SERPINE2: variants seen among roughly 807,000 people sequenced by gnomAD.
SERPINE2 encodes the protein glia-derived nexin.
SERPINE2 carries 14 observed loss-of-function variants against 36.3 expected under a neutral mutation model. That is an observed-to-expected ratio of 0.39 (90% confidence interval 0.25 to 0.60). The LOEUF (loss-of-function observed/expected upper bound fraction) is 0.60, where lower values mean the gene tolerates loss of function less well. SERPINE2 is among the 20% of genes least tolerant of loss of function. The probability of loss-of-function intolerance (pLI) is 0.57; values close to 1 mark genes in which losing one functional copy is unlikely to be tolerated. For missense variants in SERPINE2, 418 were observed against 499.6 expected, an observed-to-expected ratio of 0.84 and a Z score of 1.56; for synonymous variants, 192 against 191.8, an observed-to-expected ratio of 1.00 and a Z score of -0.01.
chr2:224,019,080 C>T (rs1024830789), intron 1 of SERPINE2, among the ~76,000 whole-genome samples: 2 of 152,086 alleles, frequency 1.3e-5, no homozygotes, highest in Non-Finnish European at 2.9e-5. Context: ...AGACAGGAGG[C>T]CCCCTCAACT....
intron 4 of SERPINE2, among the ~76,000 whole-genome samples, chr2:223,990,904 A>G (rs1345109083): frequency 6.6e-6 from 1 of 152,190 alleles, no homozygotes; most frequent in East Asian, 1.9e-4. Context: ...CTTGAGTCCA[A>G]GAGGTCGAGG....
intron 1 of SERPINE2, among the ~76,000 whole-genome samples, chr2:224,004,662 C>G (rs574103552): frequency 3.8e-4 from 58 of 151,920 alleles, no homozygotes; most frequent in African/African-American, 1.3e-3. Flanking sequence ...CTCCCTCTTG[C>G]CTTTTCTTTC....
chr2:224,037,629 T>C (rs1005678948), intron 1 of SERPINE2, among the ~76,000 whole-genome samples: 4 of 152,212 alleles, frequency 2.6e-5, no homozygotes, highest in South Asian at 2.1e-4. Context: ...AAGGCTGAGA[T>C]GCACCCAGGG....
chr2:224,031,263 C>A (rs1316561095), intron 1 of SERPINE2: 3 of 985,202 alleles, frequency 3.0e-6, no homozygotes, highest in Admixed American at 6.2e-5. Context: ...CTGTGTGACC[C>A]CCCACATACT....
Position 223,992,010 on chromosome 2 carries a change from CA to C in SERPINE2, c.488-11del. 1 of 1,612,866 alleles carries C rather than the reference CA, an allele frequency of 6.2e-7. No individual in the cohort carries two copies. The highest frequency in any genetic ancestry group is 1.7e-5 in the Admixed American group (1 of 59,838). ...AGATTGTCAATCATATCTGTGAAGCCAAAGAACAAACAAGGGAAAAATAACC... is the reference window on the plus strand; with the variant it reads ...AGATTGTCAATCATATCTGTGAAGCCAAGAACAAACAAGGGAAAAATAACC... On this transcript the variant is annotated splice_polypyrimidine_tract_variant and intron_variant, in intron 3 of 8. Transcript: ENST00000409304.
At chr2:224,032,811 G>A (rs1181795563) in intron 1 of SERPINE2, among the ~76,000 whole-genome samples, 8 of 152,184 alleles carry the variant, frequency 5.3e-5, no homozygotes, top group Admixed American at 1.3e-4. Flanking sequence ...CAAAACATAC[G>A]AGTGGAATTA....
At chr2:223,989,510 A>C (rs1237086649) in intron 4 of SERPINE2, among the ~76,000 whole-genome samples, 1 of 152,192 alleles carries the variant, frequency 6.6e-6, no homozygotes, top group Non-Finnish European at 1.5e-5. Flanking sequence ...GGAAACAATC[A>C]GCCACTTGGG....
At chr2:223,993,528 A>ATG (rs1344521820) in intron 3 of SERPINE2, among the ~76,000 whole-genome samples, 1 of 72,452 alleles carries the variant, frequency 1.4e-5, no homozygotes, top group African/African-American at 4.6e-5. Context: ...TAGCTCAAAT[A>ATG]TATGTGTGTG....
At chr2:223,984,419 G>A (rs1468196519) in intron 5 of SERPINE2, among the ~76,000 whole-genome samples, 1 of 152,162 alleles carries the variant, frequency 6.6e-6, no homozygotes, top group East Asian at 1.9e-4. Flanking sequence ...TCCATACTAT[G>A]ATGACACACG....
chr2:224,015,967 G>T (rs887941531), intron 1 of SERPINE2, among the ~76,000 whole-genome samples: 1 of 152,156 alleles, frequency 6.6e-6, no homozygotes. Flanking sequence ...GGAAATAAAA[G>T]ACATGGATAG....
chr2:223,991,760 C>A lies in SERPINE2; in HGVS notation c.685+43G>T, dbSNP rs758272519. 5 of 1,600,916 alleles carry A rather than the reference C, an allele frequency of 3.1e-6. No individual in the cohort carries two copies. In the South Asian group the frequency reaches 5.5e-5, roughly 18 times the overall value. On this transcript the variant is annotated intron_variant, in intron 4 of 8. Transcript: ENST00000409304. ...TTAAAGCACTCAAGGGCCTTTCTGC[C>A]GCCAGCACATCCTAGAACAGGCTTC...
chr2:223,995,406 T>A (rs1292031913), intron 3 of SERPINE2, among the ~76,000 whole-genome samples: 1 of 152,196 alleles, frequency 6.6e-6, no homozygotes, highest in Non-Finnish European at 1.5e-5. Flanking sequence ...TTGGCAGGGA[T>A]GTTTTTAATT....
At chr2:223,977,666 T>C in intron 7 of SERPINE2, 39 bp from the exon 8 acceptor site, 1 of 1,399,280 alleles carries the variant, frequency 7.1e-7, no homozygotes, top group South Asian at 1.2e-5. Flanking sequence ...GCACATTACA[T>C]GAGACCATGT....
At chr2:224,037,300 A>G (rs1257498257) in intron 1 of SERPINE2, among the ~76,000 whole-genome samples, 2 of 152,288 alleles carry the variant, frequency 1.3e-5, no homozygotes, top group African/African-American at 4.8e-5. Context: ...CACCTGCCAA[A>G]CCCGCAAGAG....
chr2:224,019,301 T>C (rs1013698206), intron 1 of SERPINE2, among the ~76,000 whole-genome samples: 2 of 152,186 alleles, frequency 1.3e-5, no homozygotes, highest in Non-Finnish European at 2.9e-5. Flanking sequence ...TATACTGTAA[T>C]AAAAGTTATT....
At chr2:224,004,387 C>G (rs1313637894) in intron 1 of SERPINE2, among the ~76,000 whole-genome samples, 1 of 152,216 alleles carries the variant, frequency 6.6e-6, no homozygotes, top group Non-Finnish European at 1.5e-5. Flanking sequence ...TTCCGTGTTT[C>G]TCCAGAGCTT....
intron 2 of SERPINE2, among the ~76,000 whole-genome samples, chr2:223,999,097 T>C (rs1691004804): frequency 6.6e-6 from 1 of 152,238 alleles, no homozygotes; most frequent in Non-Finnish European, 1.5e-5. Flanking sequence ...AATTTCTTTT[T>C]TTCTATTTTG....
At chr2:224,035,203 AGCCTAGGG>A (rs1692493269) in intron 1 of SERPINE2, among the ~76,000 whole-genome samples, 1 of 152,128 alleles carries the variant, frequency 6.6e-6, no homozygotes, top group Non-Finnish European at 1.5e-5. Context: ...TGATCGTCTC[AGCCTAGGG>A]TCTCTAGCTC....
intron 7 of SERPINE2, chr2:223,978,925 T>G (rs979808970): frequency 6.6e-6 from 1 of 152,010 alleles, no homozygotes; most frequent in Non-Finnish European, 1.5e-5. Flanking sequence ...TTGCCCTTAT[T>G]TGAAGTGGGA....
Sources: allele counts gnomAD v4.1 joint callset (sites outside exome capture counted in the v4.1 genomes callset), GRCh38; gene constraint gnomAD v4.1.1; transcripts MANE v1.5; gene names NCBI Gene and HGNC (gene_info 2026-07-23, HGNC 2026-07-21).